The following SIPA1L1 variants were observed in gnomAD, a reference collection of about 807,000 sequenced individuals.
SIPA1L1 encodes signal-induced proliferation-associated 1-like protein 1.
SIPA1L1 carries 26 observed loss-of-function variants against 162.7 expected under a neutral mutation model. The observed-to-expected ratio is 0.16, with a 90% confidence interval of 0.12 to 0.22. SIPA1L1 has a LOEUF of 0.22. Among genes scored for constraint, SIPA1L1 ranks in the 10% least tolerant of loss-of-function variants. The pLI, the probability that SIPA1L1 is intolerant of heterozygous loss-of-function variation, is 1.00. For missense variants in SIPA1L1, 1,874 were observed against 2,241.0 expected (o/e 0.84, Z 3.31); for synonymous variants, 829 against 837.4 (o/e 0.99, Z 0.17).
chr14:71,387,608 T>C lies in SIPA1L1; in HGVS notation c.-465+66427T>C, dbSNP rs146563705. Among the ~76,000 whole-genome samples the C allele has an allele frequency of 2.2e-4, 33 of 152,360 alleles. 1 individual carries two copies. The East Asian group carries it at 6.0e-3, about 28-fold the overall frequency. On this transcript the variant is annotated intron_variant, in intron 2 of 23. Coordinates refer to ENST00000381232, the MANE Select transcript of SIPA1L1 (RefSeq NM_001386936.1). ...ATAACAGAAGGCACATAAAAATTTG[T>C]TAAATAAAAAGACTTTATGAAAAGG...
intron 2 of SIPA1L1, among the ~76,000 whole-genome samples, chr14:71,425,817 G>A (rs1489208672): frequency 6.6e-6 from 1 of 150,458 alleles, no homozygotes; most frequent in Non-Finnish European, 1.5e-5. Flanking sequence ...AACTATTATT[G>A]TAGAATGGTC....
At position 71,709,632 on chromosome 14, in the gene SIPA1L1, C is replaced by T; in HGVS notation, c.4176C>T (p.Thr1392=). The T allele has an allele frequency of 1.2e-6, 2 of 1,614,036 alleles. No homozygotes were observed. The highest frequency in any genetic ancestry group is 1.1e-5 in the South Asian group (1 of 91,072). The part of the protein sequence containing the change: ...GSTPLTRENS[T]FSINDAASHT... Reference sequence around the variant, plus strand: ...CCCCTCTGACAAGGGAGAACAGCACCTTCAGTATAAACGATGCTGCTTCCC... The same window carrying T: ...CCCCTCTGACAAGGGAGAACAGCACTTTCAGTATAAACGATGCTGCTTCCC... The change falls in exon 17 of 24, where the codon ACC becomes ACT. Residue 1392 remains threonine (T), a synonymous_variant. Transcript: ENST00000381232.
intron 2 of SIPA1L1, among the ~76,000 whole-genome samples, chr14:71,422,629 T>A (rs1002055510): frequency 8.5e-5 from 13 of 152,246 alleles, no homozygotes; most frequent in African/African-American, 3.1e-4. Flanking sequence ...TGTCTGAAGA[T>A]TCATCTGTGT....
intron 5 of SIPA1L1, among the ~76,000 whole-genome samples, chr14:71,611,197 T>G (rs997376861): frequency 6.6e-6 from 1 of 152,244 alleles, no homozygotes; most frequent in Non-Finnish European, 1.5e-5. Flanking sequence ...CCTCTTATTA[T>G]GTCCACTTTG....
chr14:71,356,923 A>G (rs2037331564), intron 2 of SIPA1L1, among the ~76,000 whole-genome samples: 2 of 152,042 alleles, frequency 1.3e-5, no homozygotes, highest in South Asian at 4.2e-4. Flanking sequence ...TTTTCTGATC[A>G]GAGAGAGTTG....
At chr14:71,658,890 T>C (rs748004376) in intron 9 of SIPA1L1, among the ~76,000 whole-genome samples, 1 of 152,250 alleles carries the variant, frequency 6.6e-6, no homozygotes, top group African/African-American at 2.4e-5. Context: ...CAGAATGATA[T>C]TCTTCCTTAC....
At chr14:71,541,283 G>A (rs2054356865) in intron 4 of SIPA1L1, among the ~76,000 whole-genome samples, 2 of 152,222 alleles carry the variant, frequency 1.3e-5, no homozygotes, top group South Asian at 4.2e-4. Flanking sequence ...TTAACCAAGA[G>A]GGCATGTTTC....
chr14:71,374,601 T>C (rs992774124), intron 2 of SIPA1L1, among the ~76,000 whole-genome samples: 1 of 151,902 alleles, frequency 6.6e-6, no homozygotes, highest in African/African-American at 2.4e-5. Flanking sequence ...ATGCCTGGTT[T>C]AAATTGTAAG....
chr14:71,485,795 G>C (rs2048706675), intron 2 of SIPA1L1, among the ~76,000 whole-genome samples: 1 of 152,112 alleles, frequency 6.6e-6, no homozygotes, highest in African/African-American at 2.4e-5. Context: ...AAAGATTGGG[G>C]ACCGCTGGTT....
Position 71,630,110 on chromosome 14 carries a change from G to T in SIPA1L1, c.1818+5874G>T, listed in dbSNP as rs113019051. Among the ~76,000 whole-genome samples the T allele has an allele frequency of 4.5e-3, 685 of 152,314 alleles. 7 individuals carry two copies. The highest frequency in any genetic ancestry group is 0.016 in the African/African-American group (649 of 41,568). ...TTTGGCAGAACAATTGCCATTCCTA[G>T]AATTTTAATCGTCTCTTAGATTATG... On this transcript the variant is annotated intron_variant, in intron 7 of 23. Coordinates refer to ENST00000381232, the MANE Select transcript of SIPA1L1 (RefSeq NM_001386936.1).
chr14:71,507,453 A>C (rs1434657236), intron 2 of SIPA1L1, among the ~76,000 whole-genome samples: 2 of 152,192 alleles, frequency 1.3e-5, no homozygotes, highest in Admixed American at 6.5e-5. Flanking sequence ...TAATCAATTG[A>C]TGTGTAGTTC....
intron 12 of SIPA1L1, among the ~76,000 whole-genome samples, chr14:71,679,791 T>A (rs1000393590): frequency 6.6e-6 from 1 of 152,094 alleles, no homozygotes; most frequent in African/African-American, 2.4e-5. Context: ...TCCTAGTCTC[T>A]GATAAAACAG....
chr14:71,712,953 G>T (rs1236924399), intron 17 of SIPA1L1, among the ~76,000 whole-genome samples: 1 of 152,088 alleles, frequency 6.6e-6, no homozygotes, highest in Non-Finnish European at 1.5e-5. Context: ...CTGCCATCTA[G>T]TCAGTACAAG....
chr14:71,498,802 A>G (rs367824386), intron 2 of SIPA1L1, among the ~76,000 whole-genome samples: 1 of 152,170 alleles, frequency 6.6e-6, no homozygotes, highest in Admixed American at 6.5e-5. Context: ...AGCTTTCTTG[A>G]TAAGTGAGGT....
intron 5 of SIPA1L1, among the ~76,000 whole-genome samples, chr14:71,615,275 G>A (rs1200055362): frequency 6.6e-6 from 1 of 152,170 alleles, no homozygotes; most frequent in African/African-American, 2.4e-5. Context: ...TTAAGAGGGT[G>A]AAAGGTGTGA....
intron 13 of SIPA1L1, among the ~76,000 whole-genome samples, chr14:71,695,352 A>G (rs2081546373): frequency 6.6e-6 from 1 of 152,240 alleles, no homozygotes; most frequent in Admixed American, 6.5e-5. Context: ...AGGGATGGGA[A>G]TGAATGCCAG....
intron 4 of SIPA1L1, chr14:71,573,887 C>T (rs2032554910): frequency 1.5e-5 from 5 of 338,054 alleles, no homozygotes; most frequent in South Asian, 1.1e-4. Flanking sequence ...GTAGATGGGC[C>T]TTTTCTTGTG....
At chr14:71,661,585 C>A in intron 10 of SIPA1L1, 118 bp downstream of exon 10, 1 of 1,087,592 alleles carries the variant, frequency 9.2e-7, no homozygotes, top group Non-Finnish European at 1.3e-6. Flanking sequence ...TTCTTTTTGT[C>A]TTTAAACCAT....
chr14:71,702,266 T>C lies in SIPA1L1; in HGVS notation c.3522-115T>C, dbSNP rs1174818880. 3 of 1,121,212 alleles carry C rather than the reference T, an allele frequency of 2.7e-6. 1 individual carries two copies. In the African/African-American group the frequency reaches 4.6e-5, roughly 17 times the overall value. The allele number at this position is 1,121,212 out of a possible 1,614,324, so 69.5% of individuals were successfully genotyped here. On this transcript the variant is annotated intron_variant, in intron 14 of 23. Transcript: ENST00000381232. Reference sequence around the variant, plus strand: ...GGGTGTGTATACAAGTACAGACACATAAGCAAAAACCAGTAGTGCCTGTCA... The same window carrying C: ...GGGTGTGTATACAAGTACAGACACACAAGCAAAAACCAGTAGTGCCTGTCA...
Sources: allele counts gnomAD v4.1 joint callset (sites outside exome capture counted in the v4.1 genomes callset), GRCh38; gene constraint gnomAD v4.1.1; transcripts MANE v1.5; gene names NCBI Gene and HGNC (gene_info 2026-07-23, HGNC 2026-07-21).